The following JAK1 variants were observed in gnomAD, a reference collection of about 807,000 sequenced individuals.
JAK1 encodes Janus kinase 1, also known as tyrosine-protein kinase JAK1.
A neutral mutation model predicts 136.6 loss-of-function variants in JAK1; 16 were observed. The observed-to-expected ratio is 0.12, with a 90% CI of 0.08 to 0.18. The LOEUF is 0.18. JAK1 is among the 10% of genes least tolerant of loss of function. The pLI is 1.00. For missense variants in JAK1, 859 were observed against 1,450.1 expected (o/e 0.59, Z 6.62); for synonymous variants, 492 against 519.5 (o/e 0.95, Z 0.72).
At position 64,841,606 on chromosome 1, in the gene JAK1, A is replaced by G. The variant is rs1213010353; in HGVS notation, c.2404-5T>C. 2 of 1,613,602 alleles carry G rather than the reference A, an allele frequency of 1.2e-6. No individual in the cohort carries two copies. Among genetic ancestry groups the G allele is most frequent in the Non-Finnish European group, 1.7e-6 (2 of 1,180,028 alleles). On this transcript the variant is annotated splice_polypyrimidine_tract_variant and splice_region_variant and intron_variant, in intron 17 of 24. Coordinates refer to ENST00000342505, the MANE Select transcript of JAK1 (RefSeq NM_002227.4). ...GCTTTCATAGAATCTCTCTTTCTGT[A>G]AACAAGAGGGGCACATGGAAGAAAC...
At chr1:64,918,219 T>C (rs1464589477) in intron 1 of JAK1, among the ~76,000 whole-genome samples, 1 of 152,220 alleles carries the variant, frequency 6.6e-6, no homozygotes, top group African/African-American at 2.4e-5. Context: ...GGTGGATACA[T>C]AGGTATTTTT....
At position 64,847,606 on chromosome 1, in the gene JAK1, C is replaced by T. The variant is rs1655321090; in HGVS notation, c.1825G>A (p.Glu609Lys). 5 of 1,614,136 alleles carry T rather than the reference C, an allele frequency of 3.1e-6. No homozygotes were observed. Among genetic ancestry groups the T allele is most frequent in the Non-Finnish European group, 4.2e-6 (5 of 1,179,996 alleles). The change falls in exon 13 of 25, where the codon GAA becomes AAA. Residue 609 changes from glutamate (E) to lysine (K), a missense_variant. Physicochemically the swap from Glu to Lys is moderately conservative, Grantham distance 56. Transcript: ENST00000342505. The stretch of plus-strand genomic sequence containing the variant: ...ATCTTCTTCTCTTCAGAAGTTCCTT[C>T]GTCATCCTTGTAATCCATCAGGGTC... ...SGTLMDYKDD[E>K]GTSEEKKIKV...
Position 65,058,887 on chromosome 1 carries a change from G to A in JAK1, c.-181+8717C>T, listed in dbSNP as rs1028569529. Among the ~76,000 whole-genome samples, 6 of 151,968 alleles carry A rather than the reference G, an allele frequency of 3.9e-5. No homozygotes were observed. The South Asian group carries it at 6.2e-4, about 16-fold the overall frequency. On this transcript the variant is annotated intron_variant, in intron 1 of 25. Coordinates refer to the JAK1 transcript ENST00000671954. ...ATCATTGATTTTTCATATATATACC[G>A]AGGAACTACTACGTTCTAAAGCCCT...
At chr1:64,913,977 T>G (rs1272482597) in intron 1 of JAK1, among the ~76,000 whole-genome samples, 1 of 151,742 alleles carries the variant, frequency 6.6e-6, no homozygotes, top group East Asian at 1.9e-4. Context: ...CGTTGGGGGG[T>G]GAGTGGCCAG....
At chr1:64,852,660 A>C (rs760808037) in intron 11 of JAK1, among the ~76,000 whole-genome samples, 17 of 152,224 alleles carry the variant, frequency 1.1e-4, no homozygotes, top group Non-Finnish European at 1.5e-4. Context: ...TTGCATGGGC[A>C]CTTCAGGGAA....
chr1:64,873,357 C>T lies in JAK1; in HGVS notation c.483+13G>A. The T allele has an allele frequency of 1.2e-6, 2 of 1,614,038 alleles. No homozygotes were observed. The highest frequency in any genetic ancestry group is 2.2e-5 in the South Asian group (2 of 91,074). ...CCACAAACTCCAGCTTCTCCTGGGCCCAAACTTCCTACCTGAGCAAACAGA... is the reference window on the plus strand; with the variant it reads ...CCACAAACTCCAGCTTCTCCTGGGCTCAAACTTCCTACCTGAGCAAACAGA... On this transcript the variant is annotated intron_variant, in intron 5 of 24. Transcript: ENST00000342505.
chr1:64,838,212 G>T, intron 21 of JAK1, 108 bp from the exon 22 acceptor site: 1 of 1,204,998 alleles, frequency 8.3e-7, no homozygotes, highest in Non-Finnish European at 1.1e-6. Context: ...ACATATCACT[G>T]ACAATTTTTT....
At chr1:64,858,462 C>T (rs1420072724) in intron 9 of JAK1, among the ~76,000 whole-genome samples, 1 of 152,214 alleles carries the variant, frequency 6.6e-6, no homozygotes, top group Non-Finnish European at 1.5e-5. Context: ...ATGTGCTGAC[C>T]TCTCATCTAG....
chr1:64,875,608 T>C (rs1401880119), intron 4 of JAK1, among the ~76,000 whole-genome samples: 2 of 152,228 alleles, frequency 1.3e-5, no homozygotes, highest in Non-Finnish European at 2.9e-5. Flanking sequence ...AACATTTTTA[T>C]AATCTTCAAT....
At chr1:64,913,679 G>GGAAGGAAGGAAA (rs1557686578) in intron 1 of JAK1, among the ~76,000 whole-genome samples, 11 of 30,494 alleles carry the variant, frequency 3.6e-4, no homozygotes, top group South Asian at 5.2e-3. Flanking sequence ...AAGGAAGGAA[G>GGAAGGAAGGAAA]GAAGGAAGGA....
Position 64,834,587 on chromosome 1 carries a change from T to A in JAK1, c.3440A>T (p.Glu1147Val). Residue 1147 changes from glutamate to valine, a missense_variant, in exon 25 of 25, where the codon GAA (glutamate) becomes GTA (valine). By Grantham distance (121) the Glu-to-Val change is moderately radical. Coordinates refer to ENST00000342505, the MANE Select transcript of JAK1 (RefSeq NM_002227.4). Reference sequence around the variant, plus strand: ...TTATTTTAAAAGTGCTTCAAATCCTTCAATAAGGTTCTGAAAGCTTGTCCG... The same window carrying A: ...TTATTTTAAAAGTGCTTCAAATCCTACAATAAGGTTCTGAAAGCTTGTCCG... ...SNRTSFQNLI[E>V]GFEALLK 6.2e-7 allele frequency: 1 copy of A among 1,610,474 alleles called. No individual in the cohort carries two copies. Among genetic ancestry groups the A allele is most frequent in the Non-Finnish European group, 8.5e-7 (1 of 1,176,924 alleles).
chr1:64,912,671 T>A (rs1370990376), intron 1 of JAK1, among the ~76,000 whole-genome samples: 2 of 152,256 alleles, frequency 1.3e-5, no homozygotes, highest in Non-Finnish European at 2.9e-5. Flanking sequence ...CCATTTTACA[T>A]TCCGGGAGAA....
intron 1 of JAK1, among the ~76,000 whole-genome samples, chr1:64,907,705 T>C (rs1481888128): frequency 1.3e-5 from 2 of 152,076 alleles, no homozygotes; most frequent in African/African-American, 4.8e-5. Context: ...AAAAACAAGA[T>C]GTGTTATGAG....
intron 1 of JAK1, among the ~76,000 whole-genome samples, chr1:65,051,282 A>G (rs1431031545): frequency 6.6e-6 from 1 of 152,122 alleles, no homozygotes; most frequent in Non-Finnish European, 1.5e-5. Flanking sequence ...AAAATTAAAA[A>G]TCCATAATTC....
chr1:65,004,368 A>G (rs894814205), intron 2 of JAK1, among the ~76,000 whole-genome samples: 2 of 152,314 alleles, frequency 1.3e-5, no homozygotes, highest in East Asian at 3.9e-4. Context: ...CACTAACCTT[A>G]CTTTTGTAAG....
intron 2 of JAK1, among the ~76,000 whole-genome samples, chr1:65,022,179 G>T (rs1450865742): frequency 6.6e-6 from 1 of 152,196 alleles, no homozygotes; most frequent in East Asian, 1.9e-4. Context: ...AAACAATTCA[G>T]GGTGATGACT....
At chr1:64,928,807 A>ACAAAAAAAAC (rs1645637568) in intron 1 of JAK1, among the ~76,000 whole-genome samples, 1 of 149,406 alleles carries the variant, frequency 6.7e-6, no homozygotes, top group African/African-American at 2.4e-5. Context: ...CAAAAAAAAA[A>ACAAAAAAAAC]AACTCTGCAA....
At chr1:65,047,828 G>C (rs1024788595) in intron 1 of JAK1, among the ~76,000 whole-genome samples, 4 of 152,092 alleles carry the variant, frequency 2.6e-5, no homozygotes, top group Admixed American at 1.3e-4. Flanking sequence ...CGTACTGTGT[G>C]CAAGTGTTAA....
intron 1 of JAK1, among the ~76,000 whole-genome samples, chr1:64,916,196 A>G (rs1162815597): frequency 6.6e-6 from 1 of 152,254 alleles, no homozygotes; most frequent in African/African-American, 2.4e-5. Context: ...AGCAACTCAG[A>G]GAAAACATTA....
Sources: allele counts gnomAD v4.1 joint callset (sites outside exome capture counted in the v4.1 genomes callset), GRCh38; gene constraint gnomAD v4.1.1; transcripts MANE v1.5; gene names NCBI Gene and HGNC (gene_info 2026-07-23, HGNC 2026-07-21).